The following IL1RAPL2 variants were observed in gnomAD, a reference collection of about 807,000 sequenced individuals.
IL1RAPL2 encodes X-linked interleukin-1 receptor accessory protein-like 2.
In IL1RAPL2, 3 loss-of-function variants were observed where a neutral mutation model predicts 44.1. The ratio of observed to expected loss-of-function variants is 0.07; its 90% CI spans 0.03 to 0.18. IL1RAPL2 has a LOEUF of 0.18. IL1RAPL2 is among the 10% of genes least tolerant of loss of function. The probability of loss-of-function intolerance (pLI) is 1.00; values close to 1 mark genes in which losing one functional copy is unlikely to be tolerated. For missense variants in IL1RAPL2, 391 were observed against 496.4 expected (o/e 0.79, Z 2.02); for synonymous variants, 181 against 178.8 (o/e 1.01, Z -0.10).
intron 5 of IL1RAPL2, among the ~76,000 whole-genome samples, chrX:105,339,943 T>A (rs981335802): frequency 8.9e-6 from 1 of 111,918 alleles, no homozygotes; most frequent in Admixed American, 9.5e-5. Context: ...TAATAATCAG[T>A]TTGACTTGGT....
At chrX:104,931,326 G>A (rs1172960050) in intron 2 of IL1RAPL2, among the ~76,000 whole-genome samples, 1 of 105,967 alleles carries the variant, frequency 9.4e-6, no homozygotes, top group African/African-American at 3.5e-5. Context: ...AAAAGAAAAT[G>A]TGAAGCACGG....
intron 2 of IL1RAPL2, among the ~76,000 whole-genome samples, chrX:104,979,486 A>G (rs1464817958): frequency 8.9e-6 from 1 of 111,809 alleles, no homozygotes; most frequent in East Asian, 2.8e-4. Context: ...ACAAATATAT[A>G]AAAGGGGAAA....
chrX:105,410,194 A>G (rs1707970721), intron 5 of IL1RAPL2, among the ~76,000 whole-genome samples: 1 of 110,765 alleles, frequency 9.0e-6, no homozygotes, highest in African/African-American at 3.3e-5. Context: ...TTACATAGAG[A>G]AGCCTGAGTT....
At chrX:105,120,212 A>G (rs1211117776) in intron 2 of IL1RAPL2, among the ~76,000 whole-genome samples, 22 of 106,804 alleles carry the variant, frequency 2.1e-4, no homozygotes, top group African/African-American at 7.5e-4. Context: ...CAAAACCTGT[A>G]TGATACATAC....
At chrX:105,192,049 A>G (rs914777813) in intron 2 of IL1RAPL2, among the ~76,000 whole-genome samples, 1 of 112,075 alleles carries the variant, frequency 8.9e-6, no homozygotes, top group Non-Finnish European at 1.9e-5. Flanking sequence ...GCTTGTGCAG[A>G]TGAGATCAAG....
chrX:105,520,844 A>AT (rs1449783090), intron 6 of IL1RAPL2, among the ~76,000 whole-genome samples: 2 of 102,786 alleles, frequency 1.9e-5, no homozygotes, highest in African/African-American at 7.0e-5. Flanking sequence ...TAAGCCAGAT[A>AT]TTTTTTCTAT....
At chrX:104,652,730 T>G in intron 1 of IL1RAPL2, among the ~76,000 whole-genome samples, 1 of 112,160 alleles carries the variant, frequency 8.9e-6, no homozygotes, top group Non-Finnish European at 1.9e-5. Flanking sequence ...AGGACAATGA[T>G]AAACATTTCA....
chrX:105,060,822 A>T (rs2032066258), intron 2 of IL1RAPL2, among the ~76,000 whole-genome samples: 1 of 109,575 alleles, frequency 9.1e-6, no homozygotes, highest in Non-Finnish European at 1.9e-5. Context: ...TAGATTTTTT[A>T]ATTTATTAGC....
chrX:105,617,643 C>T (rs761336197), intron 6 of IL1RAPL2, among the ~76,000 whole-genome samples: 3 of 111,766 alleles, frequency 2.7e-5, no homozygotes, highest in Non-Finnish European at 5.6e-5. Context: ...CATAATTTTT[C>T]TGACAGGCTG....
chrX:104,677,959 G>A (rs937963479), intron 2 of IL1RAPL2, among the ~76,000 whole-genome samples: 1 of 112,223 alleles, frequency 8.9e-6, no homozygotes, highest in African/African-American at 3.2e-5. Flanking sequence ...TTCGGCTCGC[G>A]CATGGTGCGC....
At chrX:105,606,581 A>G (rs1424760399) in intron 6 of IL1RAPL2, among the ~76,000 whole-genome samples, 1 of 111,749 alleles carries the variant, frequency 8.9e-6, no homozygotes, top group East Asian at 2.8e-4. Flanking sequence ...AAATCAATGT[A>G]TCAAAGAGAT....
intron 3 of IL1RAPL2, among the ~76,000 whole-genome samples, chrX:105,204,966 G>C (rs2033748562): frequency 8.9e-6 from 1 of 111,985 alleles, no homozygotes; most frequent in Middle Eastern, 4.6e-3. Flanking sequence ...ATTAGGTGTT[G>C]AGTAAATGCA....
At chrX:104,998,611 A>G (rs2030791886) in intron 2 of IL1RAPL2, among the ~76,000 whole-genome samples, 1 of 110,006 alleles carries the variant, frequency 9.1e-6, no homozygotes, top group Admixed American at 9.6e-5. Flanking sequence ...CCGTATTTAC[A>G]AAAAATAAAA....
At chrX:104,805,056 A>G (rs1932912491) in intron 2 of IL1RAPL2, among the ~76,000 whole-genome samples, 1 of 111,856 alleles carries the variant, frequency 8.9e-6, no homozygotes, top group Admixed American at 9.5e-5. Flanking sequence ...CTCTGCCTAA[A>G]ACGTCCAGTG....
At chrX:104,711,963 GC>G (rs1417241433) in intron 2 of IL1RAPL2, among the ~76,000 whole-genome samples, 2 of 111,227 alleles carry the variant, frequency 1.8e-5, no homozygotes, top group South Asian at 3.7e-4. Flanking sequence ...GGACTTGCCA[GC>G]TTTGAATGCC....
In IL1RAPL2 at chrX:104,946,229, C is replaced by G. The variant is rs759445816; in HGVS notation, c.83-249246C>G. Among the ~76,000 whole-genome samples the G allele has an allele frequency of 7.1e-3, 701 of 99,253 alleles. 37 individuals are homozygous for G. The Admixed American group carries it at 0.073, about 10-fold the overall frequency. 86.2% of individuals were successfully genotyped at this position (99,253 alleles called of 115,157 possible). A position where few individuals can be genotyped will look rare whatever the true frequency, so the allele number is the denominator to read the frequency against. On this transcript the variant is annotated intron_variant, in intron 2 of 10. Coordinates refer to ENST00000372582, the MANE Select transcript of IL1RAPL2 (RefSeq NM_017416.2). The stretch of plus-strand genomic sequence containing the variant: ...CTACTAAAAATACAAAAAAATTAGC[C>G]AGGCGCGGTGGCGGGCGCCTGTAGT...
intron 5 of IL1RAPL2, among the ~76,000 whole-genome samples, chrX:105,276,749 AC>A (rs1317130337): frequency 1.8e-5 from 2 of 112,228 alleles, no homozygotes; most frequent in Non-Finnish European, 3.8e-5. Context: ...GTTCAGTAGG[AC>A]TTTTATTAAA....
At chrX:105,031,524 A>C (rs1348265325) in intron 2 of IL1RAPL2, among the ~76,000 whole-genome samples, 6 of 111,455 alleles carry the variant, frequency 5.4e-5, no homozygotes, top group East Asian at 2.8e-4. Flanking sequence ...GTCTTTGGTT[A>C]TCTTTATATG....
At chrX:105,374,379 A>G in intron 5 of IL1RAPL2, among the ~76,000 whole-genome samples, 1 of 111,372 alleles carries the variant, frequency 9.0e-6, no homozygotes, top group South Asian at 3.8e-4. Flanking sequence ...TGTGAAGAAT[A>G]TCATTGGTAG....
Sources: gnomAD v4.1 joint callset for allele counts (sites outside exome capture counted in the v4.1 genomes callset) on GRCh38, gnomAD v4.1.1 for gene constraint, MANE v1.5 for transcripts, NCBI Gene and HGNC (gene_info 2026-07-23, HGNC 2026-07-21) for gene names.